Variants in CELF2 observed in about 807,000 individuals in gnomAD.
CELF2 encodes the protein CUGBP Elav-like family member 2, also known as CUG triplet repeat RNA-binding protein 2.
A neutral mutation model predicts 62.6 loss-of-function variants in CELF2; 8 were observed. The ratio of observed to expected loss-of-function variants is 0.13; its 90% CI spans 0.07 to 0.23. The LOEUF (loss-of-function observed/expected upper bound fraction) is 0.23. Among genes scored for constraint, CELF2 ranks in the 10% least tolerant of loss-of-function variants. The pLI is 1.00. For missense variants in CELF2, 333 were observed against 671.0 expected, an observed-to-expected ratio of 0.50 and a Z score of 5.56; for synonymous variants, 258 against 250.0, an observed-to-expected ratio of 1.03 and a Z score of -0.30.
intron 1 of CELF2, among the ~76,000 whole-genome samples, chr10:11,162,624 A>AT (rs1464998358): frequency 6.6e-6 from 1 of 152,144 alleles, no homozygotes; most frequent in Non-Finnish European, 1.5e-5. Context: ...GGTGAAAAAA[A>AT]TGTAAAGTAC....
chr10:11,198,796 C>T (rs1425186388), intron 2 of CELF2, among the ~76,000 whole-genome samples: 1 of 152,134 alleles, frequency 6.6e-6, no homozygotes, highest in Admixed American at 6.5e-5. Flanking sequence ...TAGGTAGTCT[C>T]TAGGGATAAT....
intron 2 of CELF2, among the ~76,000 whole-genome samples, chr10:10,939,271 T>TG (rs2046763505): frequency 3.7e-4 from 43 of 117,482 alleles, no homozygotes; most frequent in Middle Eastern, 4.2e-3. Context: ...GTTCTTTTGT[T>TG]TTGTGGTGTT....
intron 2 of CELF2, among the ~76,000 whole-genome samples, chr10:11,180,272 A>C (rs1008379394): frequency 6.6e-6 from 1 of 152,164 alleles, no homozygotes; most frequent in Non-Finnish European, 1.5e-5. Context: ...GAAGGTGGTG[A>C]ACCTAAAAGG....
the CELF2 span, among the ~76,000 whole-genome samples, chr10:10,684,792 G>A: frequency 6.6e-6 from 1 of 152,106 alleles, no homozygotes; most frequent in Non-Finnish European, 1.5e-5. Context: ...AATTAGGCCA[G>A]CTCCCATCCC....
intron 2 of CELF2, chr10:10,927,144 C>T (rs112504825): frequency 6.6e-6 from 1 of 152,110 alleles, no homozygotes; most frequent in South Asian, 2.1e-4. Context: ...TAAAGATCAT[C>T]TTTATGCAGA....
At chr10:10,648,175 C>T in the CELF2 span, among the ~76,000 whole-genome samples, 1 of 152,186 alleles carries the variant, frequency 6.6e-6, no homozygotes, top group African/African-American at 2.4e-5. Flanking sequence ...AGCACCTCAT[C>T]CCCATGTTGA....
the CELF2 span, among the ~76,000 whole-genome samples, chr10:10,672,227 A>T: frequency 6.6e-6 from 1 of 152,200 alleles, no homozygotes; most frequent in Non-Finnish European, 1.5e-5. Context: ...CATTCACAGA[A>T]CAGAAATATT....
In CELF2 at chr10:10,933,715, G is replaced by C. The variant is rs1592109996; in HGVS notation, c.89+13716G>C. On this transcript the variant is annotated intron_variant, in intron 2 of 13. Transcript: ENST00000636488. The stretch of plus-strand genomic sequence containing the variant: ...TATGGTATCTGTCTTTCTGTGCCTG[G>C]CTTATTTCACTTAACATAATGCTCT... 7.9e-5 allele frequency among the ~76,000 whole-genome samples: 12 copies of C among 152,098 alleles called. No individual in the cohort carries two copies. The South Asian group carries it at 2.5e-3, about 32-fold the overall frequency.
the CELF2 span, among the ~76,000 whole-genome samples, chr10:10,702,830 C>T: frequency 2.2e-4 from 33 of 152,348 alleles, no homozygotes; most frequent in African/African-American, 7.9e-4. Flanking sequence ...ATGGTTCACC[C>T]ACCTAGGCCT....
intron 2 of CELF2, among the ~76,000 whole-genome samples, chr10:10,991,930 T>C (rs745979719): frequency 1.2e-4 from 18 of 152,236 alleles, no homozygotes; most frequent in Non-Finnish European, 1.9e-4. Context: ...TTCTCTACTA[T>C]AGTTCTTCAT....
the CELF2 span, among the ~76,000 whole-genome samples, chr10:10,618,865 A>G: frequency 6.6e-6 from 1 of 152,064 alleles, no homozygotes; most frequent in Non-Finnish European, 1.5e-5. Context: ...GGTGAAATAC[A>G]GGGGGTTCTA....
At chr10:10,741,583 C>G in the CELF2 span, among the ~76,000 whole-genome samples, 1 of 148,196 alleles carries the variant, frequency 6.7e-6, no homozygotes, top group African/African-American at 2.5e-5. Context: ...TAGAGTTTGT[C>G]TGATGTGCTC....
the CELF2 span, among the ~76,000 whole-genome samples, chr10:10,747,855 T>C: frequency 0.46 from 69,134 of 151,734 alleles, 16,848 homozygotes; most frequent in East Asian, 0.61. Flanking sequence ...TACAGGCATG[T>C]GCCACCACGC....
At chr10:11,176,567 G>A (rs979356178) in intron 2 of CELF2, among the ~76,000 whole-genome samples, 10 of 152,156 alleles carry the variant, frequency 6.6e-5, no homozygotes, top group African/African-American at 1.9e-4. Flanking sequence ...ATTTGTTTTC[G>A]AATGGGTGTG....
rs373461980 is a variant in CELF2 at position 11,244,040 on chromosome 10, G to T, written c.355-5113G>T. Reference sequence around the variant, plus strand: ...CTCCTGCTGTCTACTGGGACCTGCAGGCATGTGCAGGGCACAGCATGAGAT... The same window carrying T: ...CTCCTGCTGTCTACTGGGACCTGCATGCATGTGCAGGGCACAGCATGAGAT... On this transcript the variant is annotated intron_variant, in intron 3 of 12. Transcript: ENST00000633077. The surrounding 1 kb of genome is among the most constrained non-coding windows in gnomAD (Gnocchi z 4.2). 6.6e-6 allele frequency among the ~76,000 whole-genome samples: 1 copy of T among 152,220 alleles called. No individual in the cohort carries two copies. The highest frequency in any genetic ancestry group is 1.5e-5 in the Non-Finnish European group (1 of 68,034).
At chr10:11,168,387 A>C (rs1418227305) in intron 2 of CELF2, among the ~76,000 whole-genome samples, 1 of 152,246 alleles carries the variant, frequency 6.6e-6, no homozygotes, top group Non-Finnish European at 1.5e-5. Context: ...TTTGAGCTGT[A>C]TAATGACATT....
the CELF2 span, among the ~76,000 whole-genome samples, chr10:10,514,447 C>T: frequency 2.0e-5 from 3 of 152,220 alleles, no homozygotes; most frequent in South Asian, 4.1e-4. Context: ...AAAATGAAAG[C>T]GTGGTCCCTG....
intron 5 of CELF2, among the ~76,000 whole-genome samples, chr10:11,262,059 G>A (rs1590082992): frequency 6.6e-6 from 1 of 152,120 alleles, no homozygotes; most frequent in Admixed American, 6.5e-5. Context: ...CCCACAAACT[G>A]TAGGCAAATC....
At chr10:10,872,196 G>A (rs920564285) in intron 1 of CELF2, among the ~76,000 whole-genome samples, 2 of 152,126 alleles carry the variant, frequency 1.3e-5, no homozygotes, top group African/African-American at 2.4e-5. Flanking sequence ...ATCAGACTCC[G>A]GCTTTGTTTT....
Sources: gnomAD v4.1 joint callset for allele counts (sites outside exome capture counted in the v4.1 genomes callset) on GRCh38, gnomAD v4.1.1 for gene constraint, Gnocchi (gnomAD v3.1) non-coding constraint, MANE v1.5 for transcripts, NCBI Gene and HGNC (gene_info 2026-07-23, HGNC 2026-07-21) for gene names.